FGF2: variants seen among roughly 807,000 people sequenced by gnomAD.
FGF2 encodes the protein fibroblast growth factor 2, also known as basic fibroblast growth factor bFGF.
In FGF2, 13 loss-of-function variants were observed where a neutral mutation model predicts 15.9. The observed-to-expected ratio is 0.82, with a 90% CI of 0.53 to 1.30. The LOEUF (loss-of-function observed/expected upper bound fraction) is 1.30. Ranked by LOEUF, FGF2 falls within the 50% of genes most tolerant of loss-of-function variation. The probability of loss-of-function intolerance (pLI) is 0.00; values close to 1 mark genes in which losing one functional copy is unlikely to be tolerated. For synonymous variants in FGF2, 90 were observed against 78.4 expected, an observed-to-expected ratio of 1.15 and a Z score of -0.78; for missense variants, 163 against 196.9, an observed-to-expected ratio of 0.83 and a Z score of 1.03.
chr4:122,860,883 G>A (rs973049054), intron 1 of FGF2, among the ~76,000 whole-genome samples: 3 of 152,062 alleles, frequency 2.0e-5, no homozygotes, highest in Admixed American at 6.5e-5. Context: ...TTTCTGTTCC[G>A]AGATCCAATC....
intron 2 of FGF2, among the ~76,000 whole-genome samples, chr4:122,888,157 T>C (rs1377361303): frequency 6.6e-6 from 1 of 152,242 alleles, no homozygotes; most frequent in African/African-American, 2.4e-5. Flanking sequence ...TTTATCATTC[T>C]AGAACAGAAA....
At chr4:122,863,689 A>G (rs1464735828) in intron 1 of FGF2, among the ~76,000 whole-genome samples, 1 of 152,226 alleles carries the variant, frequency 6.6e-6, no homozygotes, top group African/African-American at 2.4e-5. Context: ...TATGACACCA[A>G]TCACATGGCT....
rs891829991 is a variant in FGF2 at position 122,850,762 on chromosome 4, A to G, written c.178+23410A>G. On this transcript the variant is annotated intron_variant, in intron 1 of 2. Coordinates refer to ENST00000644866, the MANE Select transcript of FGF2 (RefSeq NM_001361665.2). ...GAGCGGTTCCAAATCTCACAAGAAG[A>G]AGGGAGCAAAAAAACCAACATGACC... is the stretch of plus-strand genomic sequence containing the variant. Among the ~76,000 whole-genome samples the G allele has an allele frequency of 8.5e-5, 13 of 152,210 alleles. No individual in the cohort carries two copies. The South Asian group carries it at 2.1e-3, about 24-fold the overall frequency.
At chr4:122,830,364 G>T (rs1334177652) in intron 1 of FGF2, among the ~76,000 whole-genome samples, 1 of 152,030 alleles carries the variant, frequency 6.6e-6, no homozygotes, top group Non-Finnish European at 1.5e-5. Context: ...AAAAGAAGAG[G>T]TAGGAGAAGA....
At position 122,895,431 on chromosome 4, in the gene FGF2, T is replaced by A. The variant is rs1226214352; in HGVS notation, c.*3035T>A. The A allele has an allele frequency of 1.3e-5, 2 of 152,228 alleles. No individual in the cohort carries two copies. Among genetic ancestry groups the A allele is most frequent in the African/African-American group, 4.8e-5 (2 of 41,444 alleles). 9.4% of individuals were successfully genotyped at this position (152,228 alleles called of 1,614,324 possible). On this transcript the variant is annotated 3_prime_UTR_variant, in exon 3 of 3. Transcript: ENST00000644866. The stretch of plus-strand genomic sequence containing the variant: ...ATTTCTATTTTGTTATATTTAATAA[T>A]AGAATTAGATTGAAATAAAATATAA...
At chr4:122,877,783 G>T (rs372544402) in intron 2 of FGF2, among the ~76,000 whole-genome samples, 3 of 152,144 alleles carry the variant, frequency 2.0e-5, no homozygotes, top group African/African-American at 7.2e-5. Flanking sequence ...AATAGTTTTT[G>T]AAATTTCTTC....
chr4:122,850,273 G>GA lies in FGF2; in HGVS notation c.178+22931dup, dbSNP rs956379832. ...TGAGACTCTGTCTCAAAAAAAAAAAGAAAAAAAAAAGATACAGTAAAAGTT... is the reference window on the plus strand; with the variant it reads ...TGAGACTCTGTCTCAAAAAAAAAAAGAAAAAAAAAAAGATACAGTAAAAGTT... On this transcript the variant is annotated intron_variant, in intron 1 of 2. Coordinates refer to ENST00000644866, the MANE Select transcript of FGF2 (RefSeq NM_001361665.2). Among the ~76,000 whole-genome samples, 41 of 144,470 alleles carry GA rather than the reference G, an allele frequency of 2.8e-4. No homozygotes were observed. In the East Asian group the frequency reaches 3.2e-3, roughly 11 times the overall value. The allele number at this position is 144,470 out of a possible 152,430, so 94.8% of individuals were successfully genotyped here.
chr4:122,864,873 A>G (rs1296274539), intron 1 of FGF2, among the ~76,000 whole-genome samples: 1 of 152,146 alleles, frequency 6.6e-6, no homozygotes, highest in Non-Finnish European at 1.5e-5. Context: ...TTTATTCTAG[A>G]TTGTTTTAAA....
At chr4:122,851,151 CAG>C (rs1281368781) in intron 1 of FGF2, among the ~76,000 whole-genome samples, 2 of 152,100 alleles carry the variant, frequency 1.3e-5, no homozygotes, top group Non-Finnish European at 2.9e-5. Flanking sequence ...GAAGAGATAA[CAG>C]AGTGGCATGC....
rs972633202 is a variant in FGF2 at position 122,827,198 on chromosome 4, G to A, written c.24G>A (p.Thr8=). 5.0e-6 allele frequency: 8 copies of A among 1,602,694 alleles called. No homozygotes were observed. Among genetic ancestry groups the A allele is most frequent in the African/African-American group, 2.7e-5 (2 of 74,558 alleles). ...CCATGGCAGCCGGGAGCATCACCAC[G>A]CTGCCCGCCTTGCCCGAGGATGGCG... is the stretch of plus-strand genomic sequence containing the variant. MAAGSIT[T]LPALPEDGGS... The change falls in exon 1 of 3, where the codon ACG becomes ACA. Residue 8 remains threonine, a synonymous_variant. Transcript: ENST00000644866. The surrounding 1 kb of genome is among the most constrained non-coding windows in gnomAD (Gnocchi z 4.2).
In FGF2 at chr4:122,896,373, T is replaced by C. The variant is rs7655413; in HGVS notation, c.*3977T>C. ...AGAGTTCACATGAAAAAAATCAATTTATTTGAAAAGGCAAGATGCAGGAGA... is the reference window on the plus strand; with the variant it reads ...AGAGTTCACATGAAAAAAATCAATTCATTTGAAAAGGCAAGATGCAGGAGA... On this transcript the variant is annotated 3_prime_UTR_variant, in exon 3 of 3. Coordinates refer to ENST00000644866, the MANE Select transcript of FGF2 (RefSeq NM_001361665.2). 64,075 of 152,326 alleles carry C rather than the reference T, an allele frequency of 0.42. 14,048 individuals carry two copies. The highest frequency in any genetic ancestry group is 0.62 in the South Asian group (2,963 of 4,812). 9.4% of individuals were successfully genotyped at this position (152,326 alleles called of 1,614,324 possible).
At chr4:122,891,017 T>C (rs570550419) in intron 2 of FGF2, among the ~76,000 whole-genome samples, 3,684 of 144,010 alleles carry the variant, frequency 0.026, 126 homozygotes, top group South Asian at 0.15. Flanking sequence ...TTTGAACAAT[T>C]TATCTTTTTT....
At chr4:122,851,729 G>A in intron 1 of FGF2, among the ~76,000 whole-genome samples, 1 of 152,116 alleles carries the variant, frequency 6.6e-6, no homozygotes, top group East Asian at 1.9e-4. Flanking sequence ...TTTTCTTCCT[G>A]GCCCTAACCC....
chr4:122,854,947 C>G (rs1436350316), intron 1 of FGF2, among the ~76,000 whole-genome samples: 1 of 152,038 alleles, frequency 6.6e-6, no homozygotes, highest in Non-Finnish European at 1.5e-5. Context: ...CCTTCCCCAC[C>G]CTGTGCCCCT....
Position 122,892,798 on chromosome 4 carries a change from C to G in FGF2, c.*402C>G. 2.0e-6 allele frequency: 3 copies of G among 1,514,264 alleles called. No individual in the cohort carries two copies. The highest frequency in any genetic ancestry group is 1.3e-5 in the South Asian group (1 of 78,774). The allele number at this position is 1,514,264 out of a possible 1,614,324, so 93.8% of individuals were successfully genotyped here. ...ACTATTTCTTATGTCATTCGTTAGT[C>G]TACATGTTTCTAAACATATAAATGT... On this transcript the variant is annotated 3_prime_UTR_variant, in exon 3 of 3. Transcript: ENST00000644866.
At chr4:122,880,730 AG>A (rs1726944913) in intron 2 of FGF2, among the ~76,000 whole-genome samples, 1 of 152,022 alleles carries the variant, frequency 6.6e-6, no homozygotes, top group Non-Finnish European at 1.5e-5. Context: ...TGGCTTTTCT[AG>A]GTGCATGGTG....
chr4:122,876,790 T>C (rs1277136496), intron 2 of FGF2, among the ~76,000 whole-genome samples: 1 of 152,208 alleles, frequency 6.6e-6, no homozygotes, highest in Non-Finnish European at 1.5e-5. Flanking sequence ...GATTATTAGT[T>C]TTTAAGTTTC....
In FGF2 at chr4:122,827,055, G is replaced by C. The variant is rs1449129559; in HGVS notation, c.-120G>C. The C allele has an allele frequency of 9.0e-7, 1 of 1,110,598 alleles. No homozygotes were observed. Among genetic ancestry groups the C allele is most frequent in the East Asian group, 5.2e-5 (1 of 19,328 alleles). The allele number at this position is 1,110,598 out of a possible 1,614,324, so 68.8% of individuals were successfully genotyped here. A position where few individuals can be genotyped will look rare whatever the true frequency, so the allele number is the denominator to read the frequency against. The stretch of plus-strand genomic sequence containing the variant: ...CCGCGCGCTGCCGGGCGGGAGGCTG[G>C]GGGGCCGGGGCCGGGGCCGTGCCCC... On this transcript the variant is annotated 5_prime_UTR_variant, in exon 1 of 3. Transcript: ENST00000644866. This position sits in a 1 kb window ranked among gnomAD's most constrained non-coding sequence, Gnocchi z 4.2.
intron 1 of FGF2, among the ~76,000 whole-genome samples, chr4:122,847,653 T>C (rs568363957): frequency 0.024 from 3,599 of 149,246 alleles, 159 homozygotes; most frequent in African/African-American, 0.083. Flanking sequence ...GTCTATCTAA[T>C]CTATCTATCT....
Sources: allele counts gnomAD v4.1 joint callset (sites outside exome capture counted in the v4.1 genomes callset), GRCh38; gene constraint gnomAD v4.1.1; non-coding constraint Gnocchi (gnomAD v3.1); transcripts MANE v1.5; gene names NCBI Gene and HGNC (gene_info 2026-07-23, HGNC 2026-07-21).